The following PSMB7 variants were observed in gnomAD, a reference collection of about 807,000 sequenced individuals.
PSMB7 encodes proteasome subunit beta type-7.
PSMB7 carries 5 observed loss-of-function variants against 28.1 expected under a neutral mutation model. The observed-to-expected ratio is 0.18, with a 90% CI of 0.09 to 0.37. The LOEUF is 0.37. PSMB7 is among the 10% of genes least tolerant of loss of function. The probability of loss-of-function intolerance (pLI) is 1.00; values close to 1 mark genes in which losing one functional copy is unlikely to be tolerated. For missense variants in PSMB7, 275 were observed against 346.2 expected (o/e 0.79, Z 1.63); for synonymous variants, 122 against 123.7 (o/e 0.99, Z 0.09).
At chr9:124,373,606 C>T (rs1830582651) in intron 6 of PSMB7, among the ~76,000 whole-genome samples, 1 of 152,160 alleles carries the variant, frequency 6.6e-6, no homozygotes, top group African/African-American at 2.4e-5. Context: ...TTTCAATTGT[C>T]CCATCTAAAC....
chr9:124,390,418 GA>G (rs924432785), intron 5 of PSMB7, among the ~76,000 whole-genome samples: 23 of 147,834 alleles, frequency 1.6e-4, no homozygotes, highest in Admixed American at 6.8e-4. Context: ...GATTAAAGGG[GA>G]AAAAAAAAAT....
intron 6 of PSMB7, among the ~76,000 whole-genome samples, chr9:124,363,024 A>G (rs1830477167): frequency 6.6e-6 from 1 of 152,196 alleles, no homozygotes; most frequent in Non-Finnish European, 1.5e-5. Context: ...GAGAGGATGA[A>G]AATTCTGAAC....
At position 124,413,944 on chromosome 9, in the gene PSMB7, T is replaced by C. The variant is rs751984317; in HGVS notation, c.218A>G (p.Asn73Ser). The C allele has an allele frequency of 1.1e-5, 18 of 1,612,784 alleles. No individual in the cohort carries two copies. The highest frequency in any genetic ancestry group is 1.4e-5 in the Non-Finnish European group (16 of 1,179,226). ...AGATATGAAGTGTATTTTTGAACAG[T>C]TCTTGTCAGCAACAACCATCCCTTC... ...ATEGMVVADK[N>S]CSKIHFISPN... Residue 73 changes from asparagine (N) to serine (S), a missense_variant, in exon 3 of 8, where the codon AAC becomes AGC. Coordinates refer to ENST00000259457, the MANE Select transcript of PSMB7 (RefSeq NM_002799.4).
rs370021298 is a variant in PSMB7 at position 124,415,346 on chromosome 9, C to G, written c.62+18G>C. On this transcript the variant is annotated intron_variant, in intron 1 of 7. Transcript: ENST00000259457. ...CACTCTTCTCCCTCCCTGAACCAAG[C>G]CCCAAGCAAGGCGGCACCTGCGGCA... The G allele has an allele frequency of 1.2e-6, 2 of 1,613,146 alleles. No homozygotes were observed. The highest frequency in any genetic ancestry group is 2.7e-5 in the African/African-American group (2 of 74,908).
At chr9:124,364,254 C>G (rs1471755337) in intron 6 of PSMB7, among the ~76,000 whole-genome samples, 1 of 152,228 alleles carries the variant, frequency 6.6e-6, no homozygotes, top group East Asian at 1.9e-4. Context: ...TGTGTACAAG[C>G]AGGAGAGTCG....
At chr9:124,394,554 G>A (rs1478870898) in intron 5 of PSMB7, among the ~76,000 whole-genome samples, 3 of 152,146 alleles carry the variant, frequency 2.0e-5, no homozygotes, top group African/African-American at 7.2e-5. Flanking sequence ...CAAATCAGGA[G>A]ACTTTGTGGT....
chr9:124,361,386 G>A (rs1365752103), intron 6 of PSMB7, among the ~76,000 whole-genome samples: 1 of 152,168 alleles, frequency 6.6e-6, no homozygotes, highest in Non-Finnish European at 1.5e-5. Context: ...GTCCACGTCG[G>A]CCACGTAATG....
At chr9:124,381,665 C>T (rs1452709978) in intron 6 of PSMB7, among the ~76,000 whole-genome samples, 1 of 152,174 alleles carries the variant, frequency 6.6e-6, no homozygotes. Context: ...AACCAAACTG[C>T]CTTTGTTGTT....
intron 5 of PSMB7, among the ~76,000 whole-genome samples, chr9:124,385,728 G>A (rs1350132476): frequency 6.6e-6 from 1 of 152,170 alleles, no homozygotes; most frequent in Non-Finnish European, 1.5e-5. Flanking sequence ...CAATGGTTTA[G>A]CAAAGGAAAA....
At chr9:124,404,036 C>T (rs1166788930) in intron 5 of PSMB7, among the ~76,000 whole-genome samples, 1 of 152,010 alleles carries the variant, frequency 6.6e-6, no homozygotes, top group Non-Finnish European at 1.5e-5. Context: ...GGACTACAGG[C>T]ACACACCACC....
At chr9:124,410,383 G>C (rs1336196311) in intron 4 of PSMB7, among the ~76,000 whole-genome samples, 1 of 152,082 alleles carries the variant, frequency 6.6e-6, no homozygotes, top group Non-Finnish European at 1.5e-5. Context: ...ACATTACAAA[G>C]AATCTTGAAA....
At chr9:124,371,389 G>T (rs55889721) in intron 6 of PSMB7, among the ~76,000 whole-genome samples, 136 of 152,232 alleles carry the variant, frequency 8.9e-4, no homozygotes, top group Non-Finnish European at 1.4e-3. Flanking sequence ...AACCACAGAC[G>T]ACCTCTTGGA....
At chr9:124,357,008 T>G (rs1288724594) in intron 6 of PSMB7, 93 bp from the exon 7 acceptor site, 1 of 1,375,590 alleles carries the variant, frequency 7.3e-7, no homozygotes, top group Non-Finnish European at 1.0e-6. Context: ...GCGCAAGACC[T>G]CCCGCGAGAC....
At chr9:124,359,800 A>G (rs1294740551) in intron 6 of PSMB7, among the ~76,000 whole-genome samples, 2 of 152,188 alleles carry the variant, frequency 1.3e-5, no homozygotes, top group Non-Finnish European at 2.9e-5. Flanking sequence ...GTGTTTCCCA[A>G]AATACCCAAG....
intron 7 of PSMB7, 42 bp from the exon 8 acceptor site, chr9:124,353,751 C>A: frequency 1.4e-6 from 2 of 1,440,828 alleles, no homozygotes; most frequent in South Asian, 1.1e-5. Flanking sequence ...GGATTCTCCT[C>A]AAGGTGCCAG....
intron 6 of PSMB7, among the ~76,000 whole-genome samples, chr9:124,379,823 G>A (rs998091920): frequency 1.3e-5 from 2 of 152,216 alleles, no homozygotes; most frequent in African/African-American, 2.4e-5. Flanking sequence ...TTGAAAAGAT[G>A]TTCAGCACTT....
At chr9:124,413,153 CA>C (rs61132576) in intron 3 of PSMB7, among the ~76,000 whole-genome samples, 462 of 47,276 alleles carry the variant, frequency 9.8e-3, no homozygotes, top group African/African-American at 0.038. Flanking sequence ...GCATCTCTCC[CA>C]AAAAAAAAAA....
At chr9:124,364,466 A>G (rs1424647602) in intron 6 of PSMB7, among the ~76,000 whole-genome samples, 1 of 152,044 alleles carries the variant, frequency 6.6e-6, no homozygotes, top group Non-Finnish European at 1.5e-5. Flanking sequence ...CAATGTTCAC[A>G]GCATATGTGT....
chr9:124,402,834 T>A (rs1395281975), intron 5 of PSMB7, among the ~76,000 whole-genome samples: 1 of 152,074 alleles, frequency 6.6e-6, no homozygotes, highest in Non-Finnish European at 1.5e-5. Flanking sequence ...ATAAAGCAAT[T>A]CAGAACAATT....
Sources: allele counts gnomAD v4.1 joint callset (sites outside exome capture counted in the v4.1 genomes callset), GRCh38; gene constraint gnomAD v4.1.1; transcripts MANE v1.5; gene names NCBI Gene and HGNC (gene_info 2026-07-23, HGNC 2026-07-21).